Variants in SLCO3A1 observed in about 807,000 individuals in gnomAD.
The protein encoded by SLCO3A1 is PGE1 transporter.
Under a neutral mutation model 63.1 loss-of-function variants are expected in SLCO3A1, and 27 were observed. The observed-to-expected ratio is 0.43, with a 90% CI of 0.32 to 0.59. SLCO3A1 has a LOEUF of 0.59. SLCO3A1 is among the 20% of genes least tolerant of loss of function. The probability of loss-of-function intolerance (pLI) is 0.09; values close to 1 mark genes in which losing one functional copy is unlikely to be tolerated. For synonymous variants in SLCO3A1, 473 were observed against 409.9 expected (o/e 1.15, Z -1.86); for missense variants, 773 against 945.8 (o/e 0.82, Z 2.40).
downstream of SLCO3A1, among the ~76,000 whole-genome samples, chr15:92,169,604 G>A (rs1461834021): frequency 2.6e-5 from 4 of 152,226 alleles, no homozygotes; most frequent in Non-Finnish European, 5.9e-5. Context: ...ATTCCGAAAT[G>A]CACTATCAAA....
intron 2 of SLCO3A1, among the ~76,000 whole-genome samples, chr15:92,031,611 G>A (rs1395559639): frequency 1.3e-5 from 2 of 152,170 alleles, no homozygotes; most frequent in African/African-American, 4.8e-5. Flanking sequence ...ACCTAGGGAT[G>A]CCTTCATCAC....
chr15:91,888,390 AT>A (rs1897781100), intron 1 of SLCO3A1, among the ~76,000 whole-genome samples: 1 of 152,090 alleles, frequency 6.6e-6, no homozygotes, highest in Admixed American at 6.5e-5. Flanking sequence ...TTTGCTCTTC[AT>A]TCACTTAATT....
chr15:91,969,870 G>A (rs1597170768), intron 2 of SLCO3A1, among the ~76,000 whole-genome samples: 5 of 152,304 alleles, frequency 3.3e-5, no homozygotes, highest in Admixed American at 3.3e-4. Context: ...GAATTGGGTA[G>A]GGTGAGCCCT....
At chr15:91,870,107 C>G (rs1214614804) in intron 1 of SLCO3A1, among the ~76,000 whole-genome samples, 1 of 152,150 alleles carries the variant, frequency 6.6e-6, no homozygotes, top group Non-Finnish European at 1.5e-5. Context: ...TGCTTTTTCT[C>G]TGTTAATTTC....
Position 91,976,025 on chromosome 15 carries a change from T to G in SLCO3A1, c.646+59567T>G, listed in dbSNP as rs578258948. 2.6e-5 allele frequency among the ~76,000 whole-genome samples: 4 copies of G among 152,204 alleles called. No individual in the cohort carries two copies. The East Asian group carries it at 7.7e-4, about 29-fold the overall frequency. ...TAGAGAGAGGCAGTGTGTGTAGAGG[T>G]GCCTTATTATTATTATTTTTAATGT... On this transcript the variant is annotated intron_variant, in intron 2 of 9. Coordinates refer to ENST00000318445, the MANE Select transcript of SLCO3A1 (RefSeq NM_013272.4).
intron 2 of SLCO3A1, among the ~76,000 whole-genome samples, chr15:92,091,782 G>A (rs375225389): frequency 2.7e-4 from 41 of 152,218 alleles, no homozygotes; most frequent in African/African-American, 9.4e-4. Flanking sequence ...AAATACGTGT[G>A]CACAATGTCT....
At position 92,062,298 on chromosome 15, in the gene SLCO3A1, T is replaced by TTG. The variant is rs1206337565; in HGVS notation, c.647-32580_647-32579dup. Among the ~76,000 whole-genome samples the TTG allele has an allele frequency of 7.9e-5, 12 of 152,278 alleles. 1 individual carries two copies. In the South Asian group the frequency reaches 1.9e-3, roughly 24 times the overall value. ...GTGACATTTGCATTCTGTCTGAATT[T>TTG]TGTGGGGACAGCTCAAGGAGCAGGC... On this transcript the variant is annotated intron_variant, in intron 2 of 9. Coordinates refer to ENST00000318445, the MANE Select transcript of SLCO3A1 (RefSeq NM_013272.4).
chr15:92,127,338 C>T (rs990520237), intron 6 of SLCO3A1, among the ~76,000 whole-genome samples: 4 of 148,352 alleles, frequency 2.7e-5, no homozygotes, highest in African/African-American at 9.9e-5. Context: ...CGTTATTCTT[C>T]CATGAAAAAG....
At chr15:92,007,880 G>A (rs2046329437) in intron 2 of SLCO3A1, among the ~76,000 whole-genome samples, 1 of 152,132 alleles carries the variant, frequency 6.6e-6, no homozygotes, top group Non-Finnish European at 1.5e-5. Flanking sequence ...GTACCTCAAA[G>A]ACTGTAAGTT....
chr15:91,966,373 G>A (rs184185121), intron 2 of SLCO3A1, among the ~76,000 whole-genome samples: 279 of 152,326 alleles, frequency 1.8e-3, no homozygotes, highest in African/African-American at 6.5e-3. Flanking sequence ...TCAGATTTTA[G>A]CTGACGATGA....
intron 2 of SLCO3A1, among the ~76,000 whole-genome samples, chr15:92,088,497 C>T (rs531031010): frequency 1.1e-4 from 16 of 152,318 alleles, no homozygotes; most frequent in African/African-American, 3.6e-4. Context: ...TTTTCTATCA[C>T]TACTGTAACA....
chr15:92,166,050 TTTTTG>T (rs10660559), downstream of SLCO3A1: 233 of 344,894 alleles, frequency 6.8e-4, no homozygotes, highest in Non-Finnish European at 8.0e-4. Flanking sequence ...TTTGTTTTGT[TTTTTG>T]TTTTGTTTTG....
chr15:92,060,467 C>T (rs377717575), intron 2 of SLCO3A1, among the ~76,000 whole-genome samples: 12 of 151,578 alleles, frequency 7.9e-5, no homozygotes, highest in Middle Eastern at 3.4e-3. Flanking sequence ...GGCTGAGGCA[C>T]GCTTGAACCT....
intron 2 of SLCO3A1, among the ~76,000 whole-genome samples, chr15:92,021,023 T>C (rs2046502683): frequency 1.3e-5 from 2 of 152,350 alleles, no homozygotes; most frequent in South Asian, 4.1e-4. Context: ...CTGATAATAA[T>C]ACCTACCTCT....
rs972299977 is a variant in SLCO3A1 at position 91,941,941 on chromosome 15, C to T, written c.646+25483C>T. 1.3e-5 allele frequency among the ~76,000 whole-genome samples: 2 copies of T among 152,156 alleles called. No homozygotes were observed. The highest frequency in any genetic ancestry group is 4.8e-5 in the African/African-American group (2 of 41,426). ...GGCTACAAATGGGGGCTTGCACCAG[C>T]GTACTGGCTGAGGACTGCCTGCCTT... On this transcript the variant is annotated intron_variant, in intron 2 of 9. Coordinates refer to ENST00000318445, the MANE Select transcript of SLCO3A1 (RefSeq NM_013272.4). This position sits in a 1 kb window ranked among gnomAD's most constrained non-coding sequence, Gnocchi z 4.4.
intron 1 of SLCO3A1, among the ~76,000 whole-genome samples, chr15:91,857,642 C>A (rs1407465746): frequency 5.3e-5 from 8 of 152,126 alleles, no homozygotes; most frequent in Admixed American, 5.2e-4. Flanking sequence ...GGGAGAAAGT[C>A]ATTTTGTGTG....
intron 8 of SLCO3A1, among the ~76,000 whole-genome samples, chr15:92,148,501 A>G (rs755615200): frequency 1.3e-5 from 2 of 152,208 alleles, no homozygotes; most frequent in Non-Finnish European, 2.9e-5. Flanking sequence ...GCAAATTACC[A>G]TTTTATACTT....
downstream of SLCO3A1, among the ~76,000 whole-genome samples, chr15:92,169,017 G>T (rs899294265): frequency 6.6e-6 from 1 of 152,066 alleles, no homozygotes; most frequent in Non-Finnish European, 1.5e-5. Flanking sequence ...CAAAACACTG[G>T]CACCCTAAAG....
chr15:92,016,202 T>TAG lies in SLCO3A1; in HGVS notation c.647-78678_647-78677insGA, dbSNP rs1457446331. 2.8e-3 allele frequency among the ~76,000 whole-genome samples: 275 copies of TAG among 99,116 alleles called. 1 individual carries two copies. Among genetic ancestry groups the TAG allele is most frequent in the South Asian group, 7.5e-3 (21 of 2,816 alleles). 65.0% of individuals were successfully genotyped at this position (99,116 alleles called of 152,430 possible). A position where few individuals can be genotyped will look rare whatever the true frequency, so the allele number is the denominator to read the frequency against. On this transcript the variant is annotated intron_variant, in intron 2 of 9. Transcript: ENST00000318445. The stretch of plus-strand genomic sequence containing the variant: ...GTTGCAGATTTGTTGTATATATATT[T>TAG]ATATAGATAGATAGATAGATAGATA...
Sources: allele counts gnomAD v4.1 joint callset (sites outside exome capture counted in the v4.1 genomes callset), GRCh38; gene constraint gnomAD v4.1.1; non-coding constraint Gnocchi (gnomAD v3.1); transcripts MANE v1.5; gene names NCBI Gene and HGNC (gene_info 2026-07-23, HGNC 2026-07-21).